The following SYNDIG1 variants were observed in gnomAD, a reference collection of about 807,000 sequenced individuals.
SYNDIG1 encodes synapse differentiation inducing 1.
Under a neutral mutation model 19.4 loss-of-function variants are expected in SYNDIG1, and 9 were observed. That is an observed-to-expected ratio of 0.46 (90% CI 0.28 to 0.81). The LOEUF (loss-of-function observed/expected upper bound fraction) is 0.81. Among genes scored for constraint, SYNDIG1 ranks in the 30% least tolerant of loss-of-function variants. The pLI is 0.12. For missense variants in SYNDIG1, 311 were observed against 343.3 expected (o/e 0.91, Z 0.74); for synonymous variants, 141 against 145.9 (o/e 0.97, Z 0.24).
At chr20:24,536,810 G>A (rs1000980795) in intron 1 of SYNDIG1, among the ~76,000 whole-genome samples, 1 of 152,166 alleles carries the variant, frequency 6.6e-6, no homozygotes, top group African/African-American at 2.4e-5. Context: ...TACACATTTT[G>A]CCTCTTCATG....
intron 3 of SYNDIG1, among the ~76,000 whole-genome samples, chr20:24,596,673 C>T (rs1319831678): frequency 6.6e-6 from 1 of 152,232 alleles, no homozygotes; most frequent in East Asian, 1.9e-4. Flanking sequence ...GCCACCGGGC[C>T]TGGCCTCCAA....
At chr20:24,589,860 A>T (rs1057235194) in intron 3 of SYNDIG1, among the ~76,000 whole-genome samples, 2 of 152,200 alleles carry the variant, frequency 1.3e-5, no homozygotes, top group African/African-American at 4.8e-5. Context: ...TGGTACTGAA[A>T]ATCTAGAAGA....
chr20:24,491,078 C>T (rs968731438), intron 1 of SYNDIG1, among the ~76,000 whole-genome samples: 4 of 152,096 alleles, frequency 2.6e-5, no homozygotes, highest in African/African-American at 7.2e-5. Context: ...AAAGGACAGG[C>T]GCCATGGCGT....
chr20:24,536,306 A>C (rs1159514711), intron 1 of SYNDIG1, among the ~76,000 whole-genome samples: 1 of 152,178 alleles, frequency 6.6e-6, no homozygotes, highest in Non-Finnish European at 1.5e-5. Context: ...GCGCACTCAA[A>C]GGCCAATTCA....
intron 1 of SYNDIG1, among the ~76,000 whole-genome samples, chr20:24,510,195 A>G (rs948964334): frequency 1.3e-5 from 2 of 152,188 alleles, no homozygotes; most frequent in Non-Finnish European, 2.9e-5. Flanking sequence ...TAGCAATGCT[A>G]GAACAGCCTA....
chr20:24,517,313 A>T lies in SYNDIG1; in HGVS notation c.-78-25707A>T, dbSNP rs561464733. Among the ~76,000 whole-genome samples, 1,059 of 143,438 alleles carry T rather than the reference A, an allele frequency of 7.4e-3. 3 individuals are homozygous for T. The highest frequency in any genetic ancestry group is 0.03 in the South Asian group (142 of 4,698). The allele number at this position is 143,438 out of a possible 152,430, so 94.1% of individuals were successfully genotyped here. On this transcript the variant is annotated intron_variant, in intron 1 of 3. Coordinates refer to ENST00000376862, the MANE Select transcript of SYNDIG1 (RefSeq NM_024893.3). ...CTTAAAGTATAATAAAAAAAAAAAT[A>T]AATAAATAAATATATATATATGCCG...
chr20:24,526,983 G>T (rs1252941717), intron 1 of SYNDIG1, among the ~76,000 whole-genome samples: 2 of 152,098 alleles, frequency 1.3e-5, no homozygotes, highest in East Asian at 1.9e-4. Context: ...TTAATCTTCA[G>T]CAGTTTCATG....
At chr20:24,653,510 A>G (rs2059494211) in intron 3 of SYNDIG1, among the ~76,000 whole-genome samples, 1 of 152,150 alleles carries the variant, frequency 6.6e-6, no homozygotes, top group South Asian at 2.1e-4. Flanking sequence ...AGCCTTGGTG[A>G]CTCAGGGCAC....
chr20:24,551,822 A>G (rs1600599733), intron 2 of SYNDIG1, among the ~76,000 whole-genome samples: 1 of 152,120 alleles, frequency 6.6e-6, no homozygotes, highest in Admixed American at 6.6e-5. Context: ...TCTTAATTAA[A>G]TCTCATTAAG....
At chr20:24,516,017 C>A (rs941851447) in intron 1 of SYNDIG1, among the ~76,000 whole-genome samples, 248 of 152,106 alleles carry the variant, frequency 1.6e-3, no homozygotes, top group African/African-American at 5.8e-3. Flanking sequence ...CAGAACAGAG[C>A]CCTCAGAAAT....
At chr20:24,575,622 G>A (rs1385833620) in intron 2 of SYNDIG1, among the ~76,000 whole-genome samples, 1 of 151,950 alleles carries the variant, frequency 6.6e-6, no homozygotes, top group Non-Finnish European at 1.5e-5. Flanking sequence ...ATCTTGCGAG[G>A]TTAATATATT....
intron 2 of SYNDIG1, among the ~76,000 whole-genome samples, chr20:24,578,929 TCTC>T (rs913523301): frequency 1.3e-5 from 2 of 152,196 alleles, no homozygotes; most frequent in African/African-American, 4.8e-5. Context: ...CAGGAGGTAT[TCTC>T]CTTAGTGCTT....
chr20:24,625,138 G>A (rs2059103307), intron 3 of SYNDIG1, among the ~76,000 whole-genome samples: 1 of 151,948 alleles, frequency 6.6e-6, no homozygotes, highest in South Asian at 2.1e-4. Flanking sequence ...GGGCACTAGA[G>A]AAATAACAAA....
At chr20:24,601,771 A>G (rs1048389242) in intron 3 of SYNDIG1, among the ~76,000 whole-genome samples, 1 of 152,162 alleles carries the variant, frequency 6.6e-6, no homozygotes, top group Admixed American at 6.5e-5. Flanking sequence ...AAATTTTTTA[A>G]TCTTCCAGCT....
chr20:24,500,492 T>G (rs2056417250), intron 1 of SYNDIG1, among the ~76,000 whole-genome samples: 1 of 132,634 alleles, frequency 7.5e-6, no homozygotes, highest in African/African-American at 3.2e-5. Flanking sequence ...CTTTCTTTCT[T>G]TCTTTCTTTC....
chr20:24,635,017 C>G (rs1352316675), intron 3 of SYNDIG1, among the ~76,000 whole-genome samples: 3 of 152,038 alleles, frequency 2.0e-5, no homozygotes, highest in Non-Finnish European at 4.4e-5. Context: ...CCAGGAGCAG[C>G]CTGGCAGTGT....
At chr20:24,505,850 A>G (rs1411360587) in intron 1 of SYNDIG1, among the ~76,000 whole-genome samples, 1 of 152,262 alleles carries the variant, frequency 6.6e-6, no homozygotes, top group African/African-American at 2.4e-5. Flanking sequence ...GAGACATGCC[A>G]TTAAAAGAGT....
intron 3 of SYNDIG1, among the ~76,000 whole-genome samples, chr20:24,597,568 A>G (rs976031188): frequency 6.6e-6 from 1 of 152,066 alleles, no homozygotes; most frequent in African/African-American, 2.4e-5. Flanking sequence ...CCCTAACATG[A>G]CAGCTGTGTG....
chr20:24,566,232 A>C lies in SYNDIG1; in HGVS notation c.481-18624A>C, dbSNP rs554428976. Among the ~76,000 whole-genome samples, 22 of 152,328 alleles carry C rather than the reference A, an allele frequency of 1.4e-4. No individual in the cohort carries two copies. In the East Asian group the frequency reaches 2.7e-3, roughly 19 times the overall value. On this transcript the variant is annotated intron_variant, in intron 2 of 3. Transcript: ENST00000376862. ...AGGGAGCTGTGCAGGGAGCAGCCAC[A>C]GGCTCCCTGAGGAGCAGAGAAGTCA... is the stretch of plus-strand genomic sequence containing the variant.
Sources: allele counts gnomAD v4.1 joint callset (sites outside exome capture counted in the v4.1 genomes callset), GRCh38; gene constraint gnomAD v4.1.1; transcripts MANE v1.5; gene names NCBI Gene and HGNC (gene_info 2026-07-23, HGNC 2026-07-21).